Variants in GALNT13 observed in about 807,000 individuals in gnomAD.
GALNT13 encodes the protein polypeptide N-acetylgalactosaminyltransferase 13, also known as UDP-GalNAc:polypeptide N-acetylgalactosaminyltransferase 13.
Under a neutral mutation model 64.2 loss-of-function variants are expected in GALNT13, and 28 were observed. The observed-to-expected ratio is 0.44, with a 90% CI of 0.32 to 0.60. GALNT13 has a LOEUF of 0.60. Ranked by LOEUF, GALNT13 falls within the 20% of genes least tolerant of loss-of-function variation. The pLI is 0.05. For missense variants in GALNT13, 577 were observed against 669.8 expected, an observed-to-expected ratio of 0.86 and a Z score of 1.53; for synonymous variants, 214 against 224.6, an observed-to-expected ratio of 0.95 and a Z score of 0.42.
the GALNT13 span, among the ~76,000 whole-genome samples, chr2:153,416,784 G>A: frequency 1.3e-5 from 2 of 152,102 alleles, no homozygotes; most frequent in Non-Finnish European, 2.9e-5. Flanking sequence ...CCAAAACACC[G>A]AATACTCTTG....
At chr2:153,272,573 A>G in the GALNT13 span, among the ~76,000 whole-genome samples, 1 of 152,236 alleles carries the variant, frequency 6.6e-6, no homozygotes, top group Non-Finnish European at 1.5e-5. Flanking sequence ...ATACCATCTC[A>G]CACCAGTTAG....
Position 154,001,722 on chromosome 2 carries a change from G to A in GALNT13, c.142+57083G>A, listed in dbSNP as rs927138398. Among the ~76,000 whole-genome samples the A allele has an allele frequency of 1.2e-4, 18 of 151,998 alleles. No individual in the cohort carries two copies. The East Asian group carries it at 3.3e-3, about 28-fold the overall frequency. ...TTTACAGGCCACAATTACAGTATTG[G>A]TGTATTCTTAATTTGTATGCTTTTA... On this transcript the variant is annotated intron_variant, in intron 3 of 12. Coordinates refer to ENST00000392825, the MANE Select transcript of GALNT13 (RefSeq NM_052917.4).
chr2:153,563,474 C>A, the GALNT13 span, among the ~76,000 whole-genome samples: 1 of 151,986 alleles, frequency 6.6e-6, no homozygotes, highest in African/African-American at 2.4e-5. Flanking sequence ...CAATTCATTT[C>A]TTTTGTACAT....
chr2:153,598,740 T>C, the GALNT13 span, among the ~76,000 whole-genome samples: 1 of 152,110 alleles, frequency 6.6e-6, no homozygotes, highest in African/African-American at 2.4e-5. Context: ...TCCTGAGTTA[T>C]GTCATTATGA....
At chr2:154,187,879 C>G (rs922843961) in intron 4 of GALNT13, among the ~76,000 whole-genome samples, 1 of 151,848 alleles carries the variant, frequency 6.6e-6, no homozygotes, top group Non-Finnish European at 1.5e-5. Flanking sequence ...AAATGCAAAC[C>G]CTACTAGTTC....
intron 10 of GALNT13, among the ~76,000 whole-genome samples, chr2:154,403,110 T>G (rs1300102026): frequency 6.6e-6 from 1 of 152,192 alleles, no homozygotes; most frequent in East Asian, 1.9e-4. Flanking sequence ...CCCCTAGGTG[T>G]GCATGGCTTT....
At chr2:154,167,462 C>T (rs1466486020) in intron 4 of GALNT13, among the ~76,000 whole-genome samples, 1 of 152,048 alleles carries the variant, frequency 6.6e-6, no homozygotes, top group East Asian at 1.9e-4. Flanking sequence ...ATTTGAAAGG[C>T]TAAAAAAAAG....
the GALNT13 span, among the ~76,000 whole-genome samples, chr2:153,654,413 T>C: frequency 6.6e-6 from 1 of 152,104 alleles, no homozygotes; most frequent in Non-Finnish European, 1.5e-5. Flanking sequence ...GGTGAGATAA[T>C]GTCATTGTGG....
At chr2:153,813,762 A>G in the GALNT13 span, among the ~76,000 whole-genome samples, 4 of 152,232 alleles carry the variant, frequency 2.6e-5, no homozygotes, top group Non-Finnish European at 5.9e-5. Flanking sequence ...AAATCTATTG[A>G]TATAGCACAA....
chr2:153,082,662 C>CAT, the GALNT13 span, among the ~76,000 whole-genome samples: 8 of 90,144 alleles, frequency 8.9e-5, no homozygotes, highest in African/African-American at 3.5e-4. Flanking sequence ...CACACACACA[C>CAT]ACATATATAT....
intron 3 of GALNT13, among the ~76,000 whole-genome samples, chr2:153,961,817 A>G (rs1450574189): frequency 6.6e-6 from 1 of 152,216 alleles, no homozygotes; most frequent in Non-Finnish European, 1.5e-5. Context: ...GACAGATTTT[A>G]TCTCTACTCA....
the GALNT13 span, among the ~76,000 whole-genome samples, chr2:153,737,506 T>C: frequency 6.6e-6 from 1 of 152,086 alleles, no homozygotes; most frequent in Non-Finnish European, 1.5e-5. Context: ...TATAAATATC[T>C]CCTAGGTTGC....
chr2:153,114,891 T>C, the GALNT13 span, among the ~76,000 whole-genome samples: 69,971 of 151,946 alleles, frequency 0.46, 18,055 homozygotes, highest in Admixed American at 0.61. Flanking sequence ...CATTGGACTT[T>C]AGAGTTGGAT....
At chr2:153,869,706 T>C (rs759342278), upstream of GALNT13, among the ~76,000 whole-genome samples, 1 of 152,136 alleles carries the variant, frequency 6.6e-6, no homozygotes, top group Non-Finnish European at 1.5e-5. Flanking sequence ...TTATTATTCG[T>C]TTGTAATTAA....
the GALNT13 span, among the ~76,000 whole-genome samples, chr2:153,498,781 T>TG: frequency 6.6e-6 from 1 of 152,156 alleles, no homozygotes; most frequent in Non-Finnish European, 1.5e-5. Flanking sequence ...TGAGCAGGGT[T>TG]GGGGGGTGTG....
rs1338879095 is a variant in GALNT13, at chr2:153,977,196, C to CTTATTCAAAGCATAAATGATTCTT, written c.142+32562_142+32585dup. On this transcript the variant is annotated intron_variant, in intron 3 of 12. Coordinates refer to ENST00000392825, the MANE Select transcript of GALNT13 (RefSeq NM_052917.4). ...CCTCTCAAGGAAAGGGTACTACTGACTTATTCAAAGCATAAATGATTCTTT... is the reference window on the plus strand; with the variant it reads ...CCTCTCAAGGAAAGGGTACTACTGACTTATTCAAAGCATAAATGATTCTTTTATTCAAAGCATAAATGATTCTTT... 3.3e-5 allele frequency among the ~76,000 whole-genome samples: 5 copies of CTTATTCAAAGCATAAATGATTCTT among 152,174 alleles called. No homozygotes were observed. The East Asian group carries it at 9.7e-4, about 29-fold the overall frequency.
At chr2:154,244,706 A>G (rs1301552356) in intron 6 of GALNT13, among the ~76,000 whole-genome samples, 5 of 152,226 alleles carry the variant, frequency 3.3e-5, no homozygotes, top group African/African-American at 9.6e-5. Flanking sequence ...ATGAACAGGC[A>G]TTAGATCAAG....
chr2:153,154,662 T>C, the GALNT13 span, among the ~76,000 whole-genome samples: 3 of 152,180 alleles, frequency 2.0e-5, no homozygotes, highest in South Asian at 2.1e-4. Flanking sequence ...TTTCTAGATA[T>C]AGGATCACGC....
the GALNT13 span, among the ~76,000 whole-genome samples, chr2:153,068,831 G>T: frequency 2.0e-5 from 3 of 152,102 alleles, no homozygotes; most frequent in Non-Finnish European, 4.4e-5. Context: ...TGAACAGTTT[G>T]TTGTCCCTTT....
Sources: allele counts gnomAD v4.1 joint callset (sites outside exome capture counted in the v4.1 genomes callset), GRCh38; gene constraint gnomAD v4.1.1; transcripts MANE v1.5; gene names NCBI Gene and HGNC (gene_info 2026-07-23, HGNC 2026-07-21).